Variants in POLA1 observed in about 807,000 individuals in gnomAD.
POLA1 encodes DNA polymerase alpha catalytic subunit.
POLA1 carries 15 observed loss-of-function variants against 124.0 expected under a neutral mutation model. The observed-to-expected ratio is 0.12, with a 90% confidence interval of 0.08 to 0.19. POLA1 has a LOEUF of 0.19. Among genes scored for constraint, POLA1 ranks in the 10% least tolerant of loss-of-function variants. The probability of loss-of-function intolerance (pLI) is 1.00; values close to 1 mark genes in which losing one functional copy is unlikely to be tolerated. For synonymous variants in POLA1, 408 were observed against 389.4 expected (o/e 1.05, Z -0.56); for missense variants, 886 against 1,103.4 (o/e 0.80, Z 2.79).
rs140971114 is a variant in POLA1 at position 24,960,705 on chromosome X, G to A, written c.4261+30156G>A. ...TAAATAAACTTAAAACAGCTGTATC[G>A]TAACAATATTTTGACTCTCCAAAAT... On this transcript the variant is annotated intron_variant, in intron 36 of 36. Coordinates refer to ENST00000379068, the MANE Select transcript of POLA1 (RefSeq NM_001330360.2). 3.1e-3 allele frequency among the ~76,000 whole-genome samples: 341 copies of A among 111,430 alleles called. 1 individual carries two copies. The highest frequency in any genetic ancestry group is 0.011 in the African/African-American group (323 of 30,704).
At position 24,995,495 on chromosome X, in the gene POLA1, C is replaced by T. The variant is rs777950684; in HGVS notation, c.4262-310C>T. ...GTGCTCGCAGCGCCGGTGAAAGTGG[C>T]GTCTGCGAGTAGAGCTCACCTTGTC... On this transcript the variant is annotated intron_variant, in intron 36 of 36. Transcript: ENST00000379068. 6.3e-5 allele frequency among the ~76,000 whole-genome samples: 7 copies of T among 111,941 alleles called. No homozygotes were observed. The South Asian group carries it at 1.9e-3, about 30-fold the overall frequency.
chrX:24,820,903 C>G (rs1024157977), intron 30 of POLA1, among the ~76,000 whole-genome samples: 1 of 112,013 alleles, frequency 8.9e-6, no homozygotes, highest in Non-Finnish European at 1.9e-5. Flanking sequence ...GTTAGGAACA[C>G]TGTGCATGCA....
intron 34 of POLA1, among the ~76,000 whole-genome samples, chrX:24,879,610 G>A (rs1272165633): frequency 8.9e-6 from 1 of 111,811 alleles, no homozygotes; most frequent in African/African-American, 3.2e-5. Context: ...GACAGACAAA[G>A]CAAAATTATT....
rs185046570 is a variant in POLA1 at position 24,783,024 on chromosome X, A to G, written c.2965-26874A>G. ...GGATGAATCACATGCCTTGAGGTCTAATAGAGACCCAAACATTGGAATTGT... is the reference window on the plus strand; with the variant it reads ...GGATGAATCACATGCCTTGAGGTCTGATAGAGACCCAAACATTGGAATTGT... On this transcript the variant is annotated intron_variant, in intron 26 of 36. Coordinates refer to ENST00000379068, the MANE Select transcript of POLA1 (RefSeq NM_001330360.2). Among the ~76,000 whole-genome samples the G allele has an allele frequency of 6.4e-5, 7 of 109,509 alleles. No homozygotes were observed. In the East Asian group the frequency reaches 1.4e-3, roughly 22 times the overall value.
intron 32 of POLA1, among the ~76,000 whole-genome samples, chrX:24,827,071 G>A (rs2046184747): frequency 9.0e-6 from 1 of 111,374 alleles, no homozygotes; most frequent in Non-Finnish European, 1.9e-5. Flanking sequence ...TTCATTGTGA[G>A]AATCCTACTC....
intron 36 of POLA1, among the ~76,000 whole-genome samples, chrX:24,944,388 C>T (rs1488913082): frequency 1.8e-5 from 2 of 110,305 alleles, no homozygotes; most frequent in East Asian, 5.7e-4. Flanking sequence ...ATTATGCCCC[C>T]CCACCCCCTG....
chrX:24,778,842 A>T (rs2045198390), intron 26 of POLA1, among the ~76,000 whole-genome samples: 1 of 111,742 alleles, frequency 8.9e-6, no homozygotes, highest in Non-Finnish European at 1.9e-5. Context: ...CTGTGGGTTG[A>T]CATTTATCAT....
At chrX:24,760,033 T>C (rs188583612) in intron 26 of POLA1, among the ~76,000 whole-genome samples, 1 of 112,412 alleles carries the variant, frequency 8.9e-6, no homozygotes, top group East Asian at 2.8e-4. Context: ...GAAAGTGCCA[T>C]TCCCTCCTTG....
At chrX:24,961,643 G>T (rs774911408) in intron 36 of POLA1, among the ~76,000 whole-genome samples, 2 of 111,217 alleles carry the variant, frequency 1.8e-5, no homozygotes, top group South Asian at 7.7e-4. Flanking sequence ...AGATTCTTTG[G>T]CTGTCTCTGG....
At chrX:24,964,169 C>A (rs1274545003) in intron 36 of POLA1, among the ~76,000 whole-genome samples, 1 of 112,066 alleles carries the variant, frequency 8.9e-6, no homozygotes. Flanking sequence ...CACCTTCTAG[C>A]TAGATTCTAC....
intron 26 of POLA1, among the ~76,000 whole-genome samples, chrX:24,784,470 G>C (rs377265501): frequency 9.1e-6 from 1 of 110,474 alleles, no homozygotes; most frequent in Non-Finnish European, 1.9e-5. Context: ...GATCACCTGA[G>C]GTCAGAAGTT....
intron 6 of POLA1, 61 bp downstream of exon 6, chrX:24,715,264 G>T: frequency 1.4e-6 from 1 of 730,650 alleles, no homozygotes. Flanking sequence ...AAACACTCTA[G>T]TAATTATACA....
At chrX:24,954,306 GGGCTTCT>G (rs1372170206) in intron 36 of POLA1, among the ~76,000 whole-genome samples, 11 of 112,197 alleles carry the variant, frequency 9.8e-5, no homozygotes, top group Non-Finnish European at 1.7e-4. Flanking sequence ...AATATGTTAA[GGGCTTCT>G]GGTGGTGGTG....
Position 24,699,425 on chromosome X carries a change from C to A in POLA1, c.44C>A (p.Ala15Asp). 8.7e-7 allele frequency: 1 copy of A among 1,150,255 alleles called. No homozygotes were observed. Among genetic ancestry groups the A allele is most frequent in the South Asian group, 2.2e-5 (1 of 45,998 alleles). The allele number at this position is 1,150,255 out of a possible 1,213,427, so 94.8% of individuals were successfully genotyped here. The change falls in exon 2 of 37, where the codon GCT becomes GAT. Residue 15 changes from alanine to aspartate, a missense_variant and splice_region_variant. Physicochemically the swap from Ala to Asp is moderately radical, Grantham distance 126. Transcript: ENST00000379068. Reference sequence around the variant, plus strand: ...TTGTAAATTTTTTTTCTTTTTTCAGCTCTGTCAGATTCAGGGAGTTTTGTA... The same window carrying A: ...TTGTAAATTTTTTTTCTTTTTTCAGATCTGTCAGATTCAGGGAGTTTTGTA... ...HGDDCEIGAS[A>D]LSDSGSFVSS...
intron 32 of POLA1, among the ~76,000 whole-genome samples, chrX:24,835,186 C>G (rs931574244): frequency 1.8e-5 from 2 of 109,075 alleles, no homozygotes; most frequent in African/African-American, 6.7e-5. Context: ...TAGCTGGGAT[C>G]GCAGGCATGC....
chrX:24,906,635 A>G (rs1043579215), intron 35 of POLA1, among the ~76,000 whole-genome samples: 2 of 111,084 alleles, frequency 1.8e-5, no homozygotes, highest in African/African-American at 6.6e-5. Flanking sequence ...GAACTTATCC[A>G]TGTAACCAAA....
Position 24,727,821 on chromosome X carries a change from C to T in POLA1, c.1571C>T (p.Ala524Val). 8.3e-7 allele frequency: 1 copy of T among 1,207,421 alleles called. No homozygotes were observed. Among genetic ancestry groups the T allele is most frequent in the Non-Finnish European group, 1.1e-6 (1 of 891,443 alleles). ...CCAGTCAGTTGGTGTAAAGTTGAGGCAATGGCTTTGAAACCAGACCTGGTG... is the reference window on the plus strand; with the variant it reads ...CCAGTCAGTTGGTGTAAAGTTGAGGTAATGGCTTTGAAACCAGACCTGGTG... ...NQPVSWCKVEAMALKPDLVNV... is the reference protein window; with the variant it reads ...NQPVSWCKVEVMALKPDLVNV... The change falls in exon 15 of 37, where the codon GCA becomes GTA. Residue 524 changes from alanine to valine, a missense_variant. By Grantham distance (64) the Ala-to-Val change is moderately conservative. Coordinates refer to ENST00000379068, the MANE Select transcript of POLA1 (RefSeq NM_001330360.2).
chrX:24,764,625 C>T (rs1342199577), intron 26 of POLA1, among the ~76,000 whole-genome samples: 1 of 112,145 alleles, frequency 8.9e-6, no homozygotes, highest in Non-Finnish European at 1.9e-5. Flanking sequence ...CATGTTTTTT[C>T]ATGTCCTTCA....
chrX:24,909,012 T>G (rs1462335800), intron 35 of POLA1, among the ~76,000 whole-genome samples: 1 of 112,542 alleles, frequency 8.9e-6, no homozygotes, highest in Non-Finnish European at 1.9e-5. Flanking sequence ...TTCATGTGTC[T>G]TTTGTCTGCA....
Sources: gnomAD v4.1 joint callset for allele counts (sites outside exome capture counted in the v4.1 genomes callset) on GRCh38, gnomAD v4.1.1 for gene constraint, MANE v1.5 for transcripts, NCBI Gene and HGNC (gene_info 2026-07-23, HGNC 2026-07-21) for gene names.